The following GRM1 variants were observed in gnomAD, a reference collection of about 807,000 sequenced individuals.
GRM1 encodes glutamate metabotropic receptor 1.
In GRM1, 33 loss-of-function variants were observed where a neutral mutation model predicts 90.9. The ratio of observed to expected loss-of-function variants is 0.36; its 90% CI spans 0.28 to 0.49. GRM1 has a LOEUF of 0.49. Ranked by LOEUF, GRM1 falls within the 20% of genes least tolerant of loss-of-function variation. The probability of loss-of-function intolerance (pLI) is 0.99; values close to 1 mark genes in which losing one functional copy is unlikely to be tolerated. For missense variants in GRM1, 1,190 were observed against 1,534.3 expected (o/e 0.78, Z 3.75); for synonymous variants, 700 against 613.2 (o/e 1.14, Z -2.09).
chr6:146,130,119 A>G (rs1043706469), intron 1 of GRM1, among the ~76,000 whole-genome samples: 7 of 152,086 alleles, frequency 4.6e-5, no homozygotes, highest in African/African-American at 1.7e-4. Context: ...TTCTACCACC[A>G]TATAGTTTTA....
chr6:146,078,898 C>T (rs980975491), intron 1 of GRM1, among the ~76,000 whole-genome samples: 1 of 152,122 alleles, frequency 6.6e-6, no homozygotes, highest in Admixed American at 6.5e-5. Flanking sequence ...CTTGTCACAC[C>T]ACCAGGAAAG....
At chr6:146,299,022 G>T (rs1164215087) in intron 2 of GRM1, among the ~76,000 whole-genome samples, 1 of 152,128 alleles carries the variant, frequency 6.6e-6, no homozygotes, top group Admixed American at 6.5e-5. Context: ...ATAGCTGCTT[G>T]TTCCTGTCTT....
chr6:146,409,365 C>G (rs959067073), intron 7 of GRM1, among the ~76,000 whole-genome samples: 2 of 152,092 alleles, frequency 1.3e-5, no homozygotes, highest in Non-Finnish European at 1.5e-5. Context: ...GAAATACTGT[C>G]CATGGAGGGG....
intron 2 of GRM1, among the ~76,000 whole-genome samples, chr6:146,169,043 T>C (rs557347435): frequency 6.6e-6 from 1 of 152,286 alleles, no homozygotes; most frequent in Non-Finnish European, 1.5e-5. Flanking sequence ...TGTTATATTC[T>C]TTCTAGCTGA....
chr6:146,176,331 C>T (rs1778336748), intron 2 of GRM1, among the ~76,000 whole-genome samples: 1 of 152,170 alleles, frequency 6.6e-6, no homozygotes, highest in East Asian at 1.9e-4. Context: ...TATTGATGTA[C>T]TTGACTTTAA....
At chr6:146,219,319 C>G (rs907300653) in intron 2 of GRM1, among the ~76,000 whole-genome samples, 2 of 152,140 alleles carry the variant, frequency 1.3e-5, no homozygotes, top group African/African-American at 2.4e-5. Context: ...TGAGAAGAGG[C>G]TTTGATAAAG....
chr6:146,398,807 A>G lies in GRM1; in HGVS notation c.1768A>G (p.Asn590Asp). Residue 590 changes from asparagine to aspartate, a missense_variant, in exon 7 of 8, where the codon AAC becomes GAC. Transcript: ENST00000282753. ...PIPVRYLEWS[N>D]IESIIAIAFS... is the part of the protein sequence containing the mutation. ...TCCTGTGCGCTATCTTGAGTGGAGCAACATCGAATCCATTATAGCCATCGC... is the reference window on the plus strand; with the variant it reads ...TCCTGTGCGCTATCTTGAGTGGAGCGACATCGAATCCATTATAGCCATCGC... The G allele has an allele frequency of 6.2e-7, 1 of 1,613,770 alleles. No homozygotes were observed. The highest frequency in any genetic ancestry group is 8.5e-7 in the Non-Finnish European group (1 of 1,179,676).
At chr6:146,426,598 G>T in intron 7 of GRM1, 1 of 1,608,956 alleles carries the variant, frequency 6.2e-7, no homozygotes, top group South Asian at 1.1e-5. Context: ...GCCAATGTCC[G>T]TCGGCACATG....
At chr6:146,054,801 A>G (rs1330907265) in intron 1 of GRM1, among the ~76,000 whole-genome samples, 1 of 152,104 alleles carries the variant, frequency 6.6e-6, no homozygotes, top group East Asian at 1.9e-4. Context: ...AGAACAACAT[A>G]TGTGTGTATA....
At chr6:146,308,942 T>C (rs1242500604) in intron 3 of GRM1, among the ~76,000 whole-genome samples, 1 of 152,190 alleles carries the variant, frequency 6.6e-6, no homozygotes, top group Non-Finnish European at 1.5e-5. Flanking sequence ...TTTAGGCATT[T>C]CATTCTTTCT....
chr6:146,074,901 C>G (rs1776133636), intron 1 of GRM1, among the ~76,000 whole-genome samples: 1 of 152,124 alleles, frequency 6.6e-6, no homozygotes, highest in Non-Finnish European at 1.5e-5. Flanking sequence ...TAATCAAGGG[C>G]TGTGGCAGCT....
chr6:146,187,092 T>C (rs1583134320), intron 2 of GRM1, among the ~76,000 whole-genome samples: 2 of 152,296 alleles, frequency 1.3e-5, no homozygotes, highest in Admixed American at 1.3e-4. Context: ...GTTATCAGCA[T>C]TAAAGACTAC....
chr6:146,389,947 G>A (rs1222336078), intron 6 of GRM1, among the ~76,000 whole-genome samples: 2 of 152,080 alleles, frequency 1.3e-5, no homozygotes, highest in East Asian at 3.9e-4. Flanking sequence ...CCAATGTGTT[G>A]TGGGTGTTAC....
intron 1 of GRM1, among the ~76,000 whole-genome samples, chr6:146,033,523 A>G (rs1392751354): frequency 6.6e-6 from 1 of 152,130 alleles, no homozygotes; most frequent in Non-Finnish European, 1.5e-5. Flanking sequence ...ATAAATTTTC[A>G]TTCATTACTT....
chr6:146,295,882 T>C (rs1783159204), intron 2 of GRM1, among the ~76,000 whole-genome samples: 1 of 152,164 alleles, frequency 6.6e-6, no homozygotes, highest in Non-Finnish European at 1.5e-5. Context: ...TCTCCCATCC[T>C]TCACCCTCAA....
intron 1 of GRM1, among the ~76,000 whole-genome samples, chr6:146,073,851 G>A (rs1466409169): frequency 6.6e-6 from 1 of 152,126 alleles, no homozygotes; most frequent in East Asian, 1.9e-4. Flanking sequence ...AAATAAACGT[G>A]TGGATCACAA....
At chr6:146,303,224 A>G (rs1351717008) in intron 2 of GRM1, among the ~76,000 whole-genome samples, 1 of 152,204 alleles carries the variant, frequency 6.6e-6, no homozygotes, top group Non-Finnish European at 1.5e-5. Flanking sequence ...ATGTTTGCCC[A>G]GTCCCTTCTC....
At chr6:146,418,412 A>T (rs747441541) in intron 7 of GRM1, among the ~76,000 whole-genome samples, 10 of 151,744 alleles carry the variant, frequency 6.6e-5, no homozygotes, top group Admixed American at 2.0e-4. Context: ...ACAGTGTGCA[A>T]TTTGGAATAT....
chr6:146,350,622 A>T (rs1348672651), intron 3 of GRM1, among the ~76,000 whole-genome samples: 1 of 152,130 alleles, frequency 6.6e-6, no homozygotes, highest in East Asian at 1.9e-4. Context: ...TAAGTTGGAG[A>T]GGGAGAGAAA....
Sources: allele counts gnomAD v4.1 joint callset (sites outside exome capture counted in the v4.1 genomes callset), GRCh38; gene constraint gnomAD v4.1.1; transcripts MANE v1.5; gene names NCBI Gene and HGNC (gene_info 2026-07-23, HGNC 2026-07-21).